The following PRKCA variants were observed in gnomAD, a reference collection of about 807,000 sequenced individuals.
PRKCA encodes the protein protein kinase C alpha.
A neutral mutation model predicts 87.0 loss-of-function variants in PRKCA; 27 were observed. That is an observed-to-expected ratio of 0.31 (90% confidence interval 0.23 to 0.43). PRKCA has a LOEUF of 0.43. PRKCA is among the 20% of genes least tolerant of loss of function. The pLI is 1.00. For missense variants in PRKCA, 518 were observed against 852.3 expected (o/e 0.61, Z 4.88); for synonymous variants, 329 against 311.1 (o/e 1.06, Z -0.61).
chr17:66,556,064 G>A (rs1016516026), intron 3 of PRKCA, among the ~76,000 whole-genome samples: 4 of 151,966 alleles, frequency 2.6e-5, no homozygotes, highest in Non-Finnish European at 5.9e-5. Context: ...CTGGATGGGC[G>A]AGCCAGCCAT....
intron 5 of PRKCA, among the ~76,000 whole-genome samples, chr17:66,653,092 G>C (rs1227183075): frequency 6.6e-6 from 1 of 152,212 alleles, no homozygotes; most frequent in Non-Finnish European, 1.5e-5. Flanking sequence ...CATGGGACTT[G>C]CCATGACACA....
At chr17:66,735,395 A>T in intron 9 of PRKCA, 94 bp from the exon 10 acceptor site, 1 of 1,308,246 alleles carries the variant, frequency 7.6e-7, no homozygotes, top group Non-Finnish European at 1.1e-6. Context: ...AGGTGCACAA[A>T]CTGTCACTGA....
intron 2 of PRKCA, among the ~76,000 whole-genome samples, chr17:66,356,360 G>T (rs1219205104): frequency 6.6e-6 from 1 of 152,108 alleles, no homozygotes; most frequent in African/African-American, 2.4e-5. Context: ...ATATAGGCCG[G>T]CACGGTGGCT....
chr17:66,660,915 A>AAATT (rs536435957), intron 5 of PRKCA, among the ~76,000 whole-genome samples: 308 of 151,838 alleles, frequency 2.0e-3, no homozygotes, highest in East Asian at 5.8e-3. Context: ...TCTTAAAAAT[A>AAATT]AATTAATTAA....
intron 3 of PRKCA, among the ~76,000 whole-genome samples, chr17:66,582,060 A>G (rs1969457129): frequency 6.6e-6 from 1 of 152,210 alleles, no homozygotes; most frequent in Non-Finnish European, 1.5e-5. Flanking sequence ...GTCAGTGTCC[A>G]GGCTGTGGCA....
At chr17:66,323,678 G>C (rs1464294787) in intron 2 of PRKCA, among the ~76,000 whole-genome samples, 1 of 152,228 alleles carries the variant, frequency 6.6e-6, no homozygotes, top group African/African-American at 2.4e-5. Context: ...GGTGGCTCAT[G>C]CCTGTAATCC....
chr17:66,428,156 T>C (rs1598663332), intron 2 of PRKCA, among the ~76,000 whole-genome samples: 1 of 152,348 alleles, frequency 6.6e-6, no homozygotes, highest in South Asian at 2.1e-4. Flanking sequence ...TTCCACTCTC[T>C]GTGGCTGATG....
intron 14 of PRKCA, 174 bp downstream of exon 14, chr17:66,774,241 T>C: frequency 6.8e-7 from 1 of 1,462,280 alleles, no homozygotes; most frequent in Non-Finnish European, 9.0e-7. Flanking sequence ...TCACGTTCAG[T>C]ATGCACAGAA....
intron 5 of PRKCA, among the ~76,000 whole-genome samples, chr17:66,684,731 G>T (rs776508565): frequency 6.6e-6 from 1 of 152,100 alleles, no homozygotes; most frequent in Non-Finnish European, 1.5e-5. Context: ...GCCAGCACCC[G>T]CAATAATTCT....
At chr17:66,708,669 A>G (rs1385550986) in intron 8 of PRKCA, among the ~76,000 whole-genome samples, 1 of 152,138 alleles carries the variant, frequency 6.6e-6, no homozygotes, top group Non-Finnish European at 1.5e-5. Context: ...AAGTCATGCC[A>G]TATACTTCTC....
chr17:66,354,893 C>T (rs1461361508), intron 2 of PRKCA, among the ~76,000 whole-genome samples: 1 of 152,082 alleles, frequency 6.6e-6, no homozygotes, highest in African/African-American at 2.4e-5. Flanking sequence ...CTAGTACAAT[C>T]AGGGGAGAAC....
intron 3 of PRKCA, among the ~76,000 whole-genome samples, chr17:66,625,674 GTATC>G (rs1327439989): frequency 1.3e-5 from 2 of 152,268 alleles, no homozygotes; most frequent in East Asian, 3.9e-4. Context: ...AAAAGTTTAG[GTATC>G]TATCCTATGT....
chr17:66,340,473 A>G (rs143086588), intron 2 of PRKCA, among the ~76,000 whole-genome samples: 2,918 of 151,384 alleles, frequency 0.019, 47 homozygotes, highest in Non-Finnish European at 0.032. Context: ...CAGAGCAGAC[A>G]GGGGTCCATA....
At chr17:66,614,525 T>C (rs1598815403) in intron 3 of PRKCA, among the ~76,000 whole-genome samples, 1 of 152,216 alleles carries the variant, frequency 6.6e-6, no homozygotes, top group East Asian at 1.9e-4. Context: ...TGTTACCATA[T>C]CTGTGTTTAT....
At chr17:66,660,256 G>A (rs372303087) in intron 5 of PRKCA, among the ~76,000 whole-genome samples, 45 of 152,190 alleles carry the variant, frequency 3.0e-4, no homozygotes, top group Non-Finnish European at 4.7e-4. Flanking sequence ...CAGTGGGTCC[G>A]TTTGGTGGGG....
At chr17:66,437,450 A>G (rs1913456500) in intron 2 of PRKCA, among the ~76,000 whole-genome samples, 1 of 152,244 alleles carries the variant, frequency 6.6e-6, no homozygotes, top group South Asian at 2.1e-4. Flanking sequence ...TTGGGAAAGA[A>G]GTAACTCAGG....
intron 2 of PRKCA, among the ~76,000 whole-genome samples, chr17:66,342,144 C>T (rs971121897): frequency 2.0e-5 from 3 of 152,124 alleles, no homozygotes; most frequent in Admixed American, 6.6e-5. Context: ...CAAATCATGG[C>T]GGGGCGCGGT....
intron 2 of PRKCA, among the ~76,000 whole-genome samples, chr17:66,436,095 A>G (rs1244513466): frequency 6.6e-6 from 1 of 152,162 alleles, no homozygotes; most frequent in Admixed American, 6.5e-5. Context: ...TTATGGAGAA[A>G]AGTTACCAGG....
At chr17:66,643,309 C>G (rs915555119) in intron 4 of PRKCA, among the ~76,000 whole-genome samples, 1 of 152,124 alleles carries the variant, frequency 6.6e-6, no homozygotes, top group African/African-American at 2.4e-5. Context: ...CCTGTTTGTA[C>G]TCAGTTTTCT....
Sources: gnomAD v4.1 joint callset for allele counts (sites outside exome capture counted in the v4.1 genomes callset) on GRCh38, gnomAD v4.1.1 for gene constraint, MANE v1.5 for transcripts, NCBI Gene and HGNC (gene_info 2026-07-23, HGNC 2026-07-21) for gene names.